Variants in SENP7 observed in about 807,000 individuals in gnomAD.
The protein encoded by SENP7 is SUMO specific peptidase 7.
In SENP7, 64 loss-of-function variants were observed where a neutral mutation model predicts 141.2. The ratio of observed to expected loss-of-function variants is 0.45; its 90% CI spans 0.37 to 0.56. The LOEUF (loss-of-function observed/expected upper bound fraction) is 0.56, where lower values mean the gene tolerates loss of function less well. Ranked by LOEUF, SENP7 falls within the 20% of genes least tolerant of loss-of-function variation. The pLI is 0.00. For missense variants in SENP7, 1,025 were observed against 1,212.2 expected, an observed-to-expected ratio of 0.85 and a Z score of 2.29; for synonymous variants, 382 against 426.4, an observed-to-expected ratio of 0.90 and a Z score of 1.28.
At chr3:101,356,673 C>T (rs985890400) in intron 11 of SENP7, among the ~76,000 whole-genome samples, 3 of 151,870 alleles carry the variant, frequency 2.0e-5, no homozygotes, top group Non-Finnish European at 4.4e-5. Flanking sequence ...TTTACTGCAT[C>T]GGCAAAAATA....
chr3:101,366,901 T>C (rs532665435), intron 8 of SENP7, 132 bp from the exon 9 acceptor site: 36 of 597,550 alleles, frequency 6.0e-5, no homozygotes, highest in African/African-American at 6.0e-4. Context: ...TAAACAATTA[T>C]ACTACATTAT....
chr3:101,365,634 C>CAAAAAAA (rs1010380283), intron 9 of SENP7, among the ~76,000 whole-genome samples: 1 of 62,130 alleles, frequency 1.6e-5, no homozygotes, highest in Non-Finnish European at 3.1e-5. Context: ...GACTCTGTCT[C>CAAAAAAA]AAAAAAAAAA....
At chr3:101,454,586 A>G (rs2063287033) in intron 4 of SENP7, among the ~76,000 whole-genome samples, 1 of 152,232 alleles carries the variant, frequency 6.6e-6, no homozygotes, top group Non-Finnish European at 1.5e-5. Context: ...AGGAATGTTT[A>G]TGACAATATT....
At chr3:101,478,576 G>C (rs1280944169) in intron 3 of SENP7, among the ~76,000 whole-genome samples, 1 of 152,036 alleles carries the variant, frequency 6.6e-6, no homozygotes, top group African/African-American at 2.4e-5. Flanking sequence ...AAAAAGAAAA[G>C]CCCACGACCT....
At chr3:101,512,524 T>G (rs16843927) in intron 1 of SENP7, among the ~76,000 whole-genome samples, 104,156 of 152,102 alleles carry the variant, frequency 0.68, 36,193 homozygotes, top group Admixed American at 0.78. Flanking sequence ...AGACGCAGGG[T>G]AGGCTGGAAA....
chr3:101,364,171 G>A (rs2059974021), intron 10 of SENP7, among the ~76,000 whole-genome samples: 1 of 151,932 alleles, frequency 6.6e-6, no homozygotes, highest in Admixed American at 6.6e-5. Context: ...AGGCTGCAGT[G>A]AGCCATGATC....
At chr3:101,395,918 CT>C (rs1213602528) in intron 6 of SENP7, among the ~76,000 whole-genome samples, 2 of 152,178 alleles carry the variant, frequency 1.3e-5, no homozygotes, top group African/African-American at 2.4e-5. Flanking sequence ...TAATAATCAC[CT>C]ACTAACTTCC....
intron 6 of SENP7, among the ~76,000 whole-genome samples, chr3:101,374,473 T>C (rs1196242513): frequency 6.6e-6 from 1 of 152,144 alleles, no homozygotes; most frequent in African/African-American, 2.4e-5. Flanking sequence ...TGAAAACTTA[T>C]GGCTGGGCAT....
At chr3:101,436,340 A>T (rs1250807649) in intron 4 of SENP7, among the ~76,000 whole-genome samples, 2 of 152,214 alleles carry the variant, frequency 1.3e-5, no homozygotes, top group African/African-American at 4.8e-5. Context: ...CACTGGGGAA[A>T]ATCTCCAGGA....
rs574899566 is a variant in SENP7, at chr3:101,469,552, C to T, written c.187-10500G>A. The stretch of plus-strand genomic sequence containing the variant: ...AAAGAACAGATATCACGGCCGGGCG[C>T]GATGGCTCACGCCTGTAATCCCAGC... On this transcript the variant is annotated intron_variant, in intron 3 of 23. Coordinates refer to ENST00000394095, the MANE Select transcript of SENP7 (RefSeq NM_020654.5). Among the ~76,000 whole-genome samples, 3 of 94,906 alleles carry T rather than the reference C, an allele frequency of 3.2e-5. 1 individual carries two copies. Among genetic ancestry groups the T allele is most frequent in the African/African-American group, 6.9e-5 (2 of 28,864 alleles). 62.3% of individuals were successfully genotyped at this position (94,906 alleles called of 152,430 possible).
intron 6 of SENP7, among the ~76,000 whole-genome samples, chr3:101,389,086 T>C (rs1027714401): frequency 2.0e-5 from 3 of 152,144 alleles, no homozygotes; most frequent in African/African-American, 7.2e-5. Context: ...CAAGAAATAA[T>C]AGCTGAAAAC....
intron 4 of SENP7, among the ~76,000 whole-genome samples, chr3:101,434,184 T>C (rs2062296747): frequency 1.3e-5 from 2 of 152,204 alleles, no homozygotes; most frequent in South Asian, 2.1e-4. Flanking sequence ...GAATGGCCAA[T>C]GGGCCAATGA....
intron 4 of SENP7, among the ~76,000 whole-genome samples, chr3:101,453,017 A>G (rs1352133694): frequency 6.6e-6 from 1 of 152,190 alleles, no homozygotes; most frequent in African/African-American, 2.4e-5. Context: ...ACAAATTTAT[A>G]AGAAAAAAAC....
At chr3:101,379,730 T>G (rs1021538636) in intron 6 of SENP7, among the ~76,000 whole-genome samples, 2 of 152,150 alleles carry the variant, frequency 1.3e-5, no homozygotes, top group Non-Finnish European at 2.9e-5. Flanking sequence ...CTGGTGGCAA[T>G]GTAACATGGT....
intron 4 of SENP7, among the ~76,000 whole-genome samples, chr3:101,427,728 G>A (rs1177161790): frequency 1.3e-5 from 2 of 151,692 alleles, no homozygotes; most frequent in Non-Finnish European, 2.9e-5. Context: ...TTAAGTTCTG[G>A]GGTACATGTG....
At chr3:101,333,862 C>T (rs551415443) in intron 17 of SENP7, among the ~76,000 whole-genome samples, 1 of 152,266 alleles carries the variant, frequency 6.6e-6, no homozygotes, top group South Asian at 2.1e-4. Flanking sequence ...CAGTCCCCAA[C>T]CTTTTTGGCA....
intron 7 of SENP7, among the ~76,000 whole-genome samples, chr3:101,371,182 G>A (rs1373418680): frequency 6.6e-6 from 1 of 152,030 alleles, no homozygotes; most frequent in Non-Finnish European, 1.5e-5. Context: ...TCAACTACTC[G>A]GGAGGCTGAT....
chr3:101,432,256 C>T (rs2062208393), intron 4 of SENP7, among the ~76,000 whole-genome samples: 1 of 152,160 alleles, frequency 6.6e-6, no homozygotes, highest in African/African-American at 2.4e-5. Flanking sequence ...CATTTGAGTG[C>T]CAGCTCAACC....
At chr3:101,438,945 C>T (rs1183123246) in intron 4 of SENP7, among the ~76,000 whole-genome samples, 1 of 125,272 alleles carries the variant, frequency 8.0e-6, no homozygotes, top group Non-Finnish European at 1.8e-5. Context: ...AGCCTCTGCC[C>T]GGTGCCACCC....
Sources: gnomAD v4.1 joint callset for allele counts (sites outside exome capture counted in the v4.1 genomes callset) on GRCh38, gnomAD v4.1.1 for gene constraint, MANE v1.5 for transcripts, NCBI Gene and HGNC (gene_info 2026-07-23, HGNC 2026-07-21) for gene names.